Variants in ITSN1 observed in about 807,000 individuals in gnomAD.
ITSN1 encodes intersectin-1.
In ITSN1, 58 loss-of-function variants were observed where a neutral mutation model predicts 239.8. The ratio of observed to expected loss-of-function variants is 0.24; its 90% CI spans 0.20 to 0.30. The LOEUF is 0.30. Ranked by LOEUF, ITSN1 falls within the 10% of genes least tolerant of loss-of-function variation. The pLI, the probability that ITSN1 is intolerant of heterozygous loss-of-function variation, is 1.00. For missense variants in ITSN1, 1,558 were observed against 2,103.3 expected (o/e 0.74, Z 5.07); for synonymous variants, 780 against 770.8 (o/e 1.01, Z -0.20).
intron 28 of ITSN1, among the ~76,000 whole-genome samples, chr21:33,835,367 G>T (rs528193396): frequency 2.6e-5 from 4 of 152,066 alleles, no homozygotes; most frequent in Non-Finnish European, 5.9e-5. Context: ...CCTCAGGCCC[G>T]CTGAAATTAG....
At chr21:33,828,476 C>G (rs2074098680) in intron 26 of ITSN1, among the ~76,000 whole-genome samples, 2 of 152,218 alleles carry the variant, frequency 1.3e-5, no homozygotes, top group Admixed American at 1.3e-4. Context: ...GGTGGCCGAC[C>G]CCTGATAGCA....
chr21:33,709,634 A>T (rs1013267837), intron 1 of ITSN1, among the ~76,000 whole-genome samples: 1 of 152,198 alleles, frequency 6.6e-6, no homozygotes, highest in Non-Finnish European at 1.5e-5. Context: ...ATGCTACTGT[A>T]AAACAGTTGT....
Position 33,871,437 on chromosome 21 carries a change from CAAAA to C in ITSN1, c.4174-3909_4174-3906del, listed in dbSNP as rs3835378. Among the ~76,000 whole-genome samples the C allele has an allele frequency of 3.4e-5, 5 of 146,436 alleles. No individual in the cohort carries two copies. The South Asian group carries it at 6.6e-4, about 19-fold the overall frequency. ...AGAGTGAAACTCTGTCTCAAAAAAA[CAAAA>C]AAAAAAACAAAAAACAAAAAGGCCG... On this transcript the variant is annotated intron_variant, in intron 33 of 39. Transcript: ENST00000381318.
intron 30 of ITSN1, among the ~76,000 whole-genome samples, chr21:33,858,371 G>A (rs1169296519): frequency 2.0e-5 from 3 of 152,204 alleles, no homozygotes; most frequent in Non-Finnish European, 2.9e-5. Context: ...AGGTGAGACC[G>A]CTTAGCCTGC....
intron 6 of ITSN1, among the ~76,000 whole-genome samples, chr21:33,751,596 TAGTA>T (rs778738222): frequency 7.2e-5 from 11 of 152,332 alleles, no homozygotes; most frequent in Admixed American, 2.0e-4. Flanking sequence ...CATTACTACA[TAGTA>T]AGGTGATTTT....
At chr21:33,670,716 C>T (rs114453748) in intron 1 of ITSN1, among the ~76,000 whole-genome samples, 65 of 152,300 alleles carry the variant, frequency 4.3e-4, no homozygotes, top group African/African-American at 1.5e-3. Context: ...TCTCAGAATT[C>T]AAATGAAAGT....
At chr21:33,781,784 G>T (rs1414504925) in intron 15 of ITSN1, among the ~76,000 whole-genome samples, 1 of 152,026 alleles carries the variant, frequency 6.6e-6, no homozygotes, top group Non-Finnish European at 1.5e-5. Flanking sequence ...TCACTATATT[G>T]GCCAGGCTGG....
At chr21:33,844,170 G>C (rs113827865) in intron 29 of ITSN1, among the ~76,000 whole-genome samples, 1 of 152,162 alleles carries the variant, frequency 6.6e-6, no homozygotes, top group Non-Finnish European at 1.5e-5. Context: ...GAGGCCCACC[G>C]GTGGAAGCAA....
At chr21:33,740,288 G>A (rs565449525) in intron 5 of ITSN1, among the ~76,000 whole-genome samples, 1 of 152,280 alleles carries the variant, frequency 6.6e-6, no homozygotes, top group Admixed American at 6.5e-5. Context: ...GTTTGGATAT[G>A]GAGAGCATGT....
At chr21:33,829,551 C>T (rs2074170687) in intron 26 of ITSN1, 73 bp from the exon 27 acceptor site, 25 of 1,527,582 alleles carry the variant, frequency 1.6e-5, no homozygotes, top group Middle Eastern at 2.4e-4. Flanking sequence ...ACCTGGGAGG[C>T]GCCTGCATCT....
chr21:33,735,486 T>G (rs2066443169), intron 5 of ITSN1: 1 of 381,196 alleles, frequency 2.6e-6, no homozygotes, highest in Non-Finnish European at 4.8e-6. Context: ...TCTGGGTTTT[T>G]TTTTTTTTTT....
chr21:33,858,801 C>G lies in ITSN1; in HGVS notation c.3890+9C>G. The G allele has an allele frequency of 6.4e-7, 1 of 1,561,390 alleles. No homozygotes were observed. Among genetic ancestry groups the G allele is most frequent in the East Asian group, 2.2e-5 (1 of 44,514 alleles). On this transcript the variant is annotated intron_variant, in intron 31 of 39. Transcript: ENST00000381318. ...AATATCAAACTACTAAAGTAAGCCT[C>G]TCCTCTAATCCCCAGCCTGGCTTGG...
In ITSN1 at chr21:33,797,662, C is replaced by G; in HGVS notation, c.2182+54C>G. 6.8e-7 allele frequency: 1 copy of G among 1,472,556 alleles called. No homozygotes were observed. Among genetic ancestry groups the G allele is most frequent in the Non-Finnish European group, 9.4e-7 (1 of 1,065,124 alleles). The allele number at this position is 1,472,556 out of a possible 1,614,324, so 91.2% of individuals were successfully genotyped here. On this transcript the variant is annotated intron_variant, in intron 18 of 39. Transcript: ENST00000381318. The surrounding 1 kb of genome is among the most constrained non-coding windows in gnomAD (Gnocchi z 4.9). Reference sequence around the variant, plus strand: ...AATAAGTCATCTTCTCTCCCAGAGCCTCCTGAAAAATGCCCCTATCTCATC... The same window carrying G: ...AATAAGTCATCTTCTCTCCCAGAGCGTCCTGAAAAATGCCCCTATCTCATC...
chr21:33,842,982 G>C (rs1356661354), intron 29 of ITSN1, among the ~76,000 whole-genome samples: 1 of 152,080 alleles, frequency 6.6e-6, no homozygotes, highest in African/African-American at 2.4e-5. Flanking sequence ...CTGATCCACT[G>C]CGTTGCTTCC....
intron 38 of ITSN1, 54 bp downstream of exon 38, chr21:33,885,576 G>A (rs377252769): frequency 3.7e-5 from 50 of 1,340,290 alleles, no homozygotes; most frequent in Middle Eastern, 3.7e-4. Flanking sequence ...GTAGGGTCCG[G>A]GTTCCCCACA....
At chr21:33,798,286 T>TG (rs1359451716) in intron 18 of ITSN1, among the ~76,000 whole-genome samples, 23 of 150,996 alleles carry the variant, frequency 1.5e-4, no homozygotes, top group East Asian at 7.9e-4. Flanking sequence ...TTTGTAGAGA[T>TG]GGGGGGTCTC....
chr21:33,852,636 A>G (rs1472836442), intron 29 of ITSN1, among the ~76,000 whole-genome samples: 1 of 152,164 alleles, frequency 6.6e-6, no homozygotes, highest in African/African-American at 2.4e-5. Flanking sequence ...ACTAGGCAAC[A>G]TCTAAGGGAC....
chr21:33,786,718 T>C (rs2070707598), intron 16 of ITSN1, among the ~76,000 whole-genome samples: 1 of 152,294 alleles, frequency 6.6e-6, no homozygotes, highest in East Asian at 1.9e-4. Flanking sequence ...GGAGCTAGAT[T>C]TTATGTTTCA....
At chr21:33,761,886 G>C (rs753885057) in intron 8 of ITSN1, 37 bp from the exon 9 acceptor site, 2 of 1,495,880 alleles carry the variant, frequency 1.3e-6, no homozygotes, top group Non-Finnish European at 9.3e-7. Context: ...AGTATTTGCT[G>C]ACTCATCTGT....
Sources: allele counts gnomAD v4.1 joint callset (sites outside exome capture counted in the v4.1 genomes callset), GRCh38; gene constraint gnomAD v4.1.1; non-coding constraint Gnocchi (gnomAD v3.1); transcripts MANE v1.5; gene names NCBI Gene and HGNC (gene_info 2026-07-23, HGNC 2026-07-21).